MED27: variants seen among roughly 807,000 people sequenced by gnomAD.
MED27 encodes mediator complex subunit 27, also known as mediator of RNA polymerase II transcription subunit 27.
In MED27, 30 loss-of-function variants were observed where a neutral mutation model predicts 38.2. That is an observed-to-expected ratio of 0.79 (90% CI 0.59 to 1.07). The LOEUF is 1.07. Ranked by LOEUF, MED27 falls within the 50% of genes least tolerant of loss-of-function variation. MED27 has a pLI of 0.00. For missense variants in MED27, 289 were observed against 397.5 expected, an observed-to-expected ratio of 0.73 and a Z score of 2.32; for synonymous variants, 122 against 153.5, an observed-to-expected ratio of 0.79 and a Z score of 1.52.
At chr9:131,972,824 G>T (rs1444853440) in intron 3 of MED27, among the ~76,000 whole-genome samples, 1 of 152,140 alleles carries the variant, frequency 6.6e-6, no homozygotes, top group Non-Finnish European at 1.5e-5. Flanking sequence ...GACACGGGTG[G>T]GTCATCTGAG....
chr9:131,979,620 T>A (rs1831688297), intron 3 of MED27, among the ~76,000 whole-genome samples: 1 of 152,096 alleles, frequency 6.6e-6, no homozygotes, highest in African/African-American at 2.4e-5. Context: ...AGGTGCTCAA[T>A]GAAATATGGC....
At chr9:131,959,812 A>G (rs1182156164) in intron 3 of MED27, among the ~76,000 whole-genome samples, 3 of 152,236 alleles carry the variant, frequency 2.0e-5, no homozygotes, top group Non-Finnish European at 2.9e-5. Flanking sequence ...CTATCAGTAT[A>G]TAACAGCAGA....
intron 3 of MED27, among the ~76,000 whole-genome samples, chr9:131,994,887 C>T (rs1482543419): frequency 6.6e-6 from 1 of 152,070 alleles, no homozygotes; most frequent in Non-Finnish European, 1.5e-5. Context: ...GGGGAAGTGT[C>T]CAAGCTTGGT....
intron 3 of MED27, among the ~76,000 whole-genome samples, chr9:131,974,168 G>C (rs1831553240): frequency 6.6e-6 from 1 of 152,240 alleles, no homozygotes. Flanking sequence ...TGACATCTCA[G>C]AGTTGACTGC....
rs1021674034 is a variant in MED27, at chr9:131,929,655, G to A, written c.573+9726C>T. Among the ~76,000 whole-genome samples the A allele has an allele frequency of 2.6e-5, 4 of 152,166 alleles. No homozygotes were observed. The East Asian group carries it at 7.7e-4, about 29-fold the overall frequency. ...CTCCCCACGGACCAGTGGTGGTGGC[G>A]GTCACTGGGAGAGGCTCTTCTGCCT... On this transcript the variant is annotated intron_variant, in intron 4 of 7. Transcript: ENST00000292035.
chr9:132,047,304 C>A (rs1225677301), intron 2 of MED27, among the ~76,000 whole-genome samples: 2 of 152,008 alleles, frequency 1.3e-5, no homozygotes, highest in African/African-American at 4.8e-5. Context: ...AGATCGATAA[C>A]CACGAGGAAG....
intron 3 of MED27, among the ~76,000 whole-genome samples, chr9:131,962,897 T>C (rs1299060587): frequency 6.6e-6 from 1 of 152,224 alleles, no homozygotes; most frequent in Non-Finnish European, 1.5e-5. Context: ...CATAGTAAGA[T>C]GGTTTCATTT....
intron 2 of MED27, among the ~76,000 whole-genome samples, chr9:132,016,487 G>GT (rs1174600530): frequency 6.6e-6 from 1 of 152,140 alleles, no homozygotes; most frequent in African/African-American, 2.4e-5. Context: ...CCTCAAATTT[G>GT]TTTTTTTCCT....
chr9:132,059,644 C>T (rs1833657372), intron 2 of MED27, among the ~76,000 whole-genome samples: 1 of 152,210 alleles, frequency 6.6e-6, no homozygotes, highest in South Asian at 2.1e-4. Flanking sequence ...TCCATTACAG[C>T]CTCAACACCC....
At chr9:132,059,132 T>G (rs1833645589) in intron 2 of MED27, among the ~76,000 whole-genome samples, 1 of 152,120 alleles carries the variant, frequency 6.6e-6, no homozygotes, top group Non-Finnish European at 1.5e-5. Flanking sequence ...AAATGAAATT[T>G]AACTCACATG....
At chr9:131,926,338 A>G (rs1028487065) in intron 4 of MED27, among the ~76,000 whole-genome samples, 8 of 152,242 alleles carry the variant, frequency 5.3e-5, no homozygotes, top group African/African-American at 1.9e-4. Context: ...GGGACTTACC[A>G]AAAAGGCCAG....
chr9:131,928,482 T>C lies in MED27; in HGVS notation c.573+10899A>G, dbSNP rs1448080847. On this transcript the variant is annotated intron_variant, in intron 4 of 7. Transcript: ENST00000292035. ...GCATTGAAAAGAGGAGGAAAGACAG[T>C]CTTGAGTGACACCACTCCTCCTCCT... 9.9e-5 allele frequency among the ~76,000 whole-genome samples: 15 copies of C among 152,168 alleles called. 1 individual carries two copies. Among genetic ancestry groups the C allele is most frequent in the Admixed American group, 9.8e-4 (15 of 15,276 alleles).
intron 6 of MED27, chr9:131,869,217 A>G (rs1838786492): frequency 1.0e-6 from 1 of 985,322 alleles, no homozygotes; most frequent in Non-Finnish European, 1.2e-6. Context: ...CAAGTCCTCC[A>G]CTGCTGGTTT....
chr9:131,872,661 C>G lies in MED27; in HGVS notation c.724-9521G>C, dbSNP rs991169205. On this transcript the variant is annotated intron_variant, in intron 6 of 7. Coordinates refer to ENST00000292035, the MANE Select transcript of MED27 (RefSeq NM_004269.4). This position sits in a 1 kb window ranked among gnomAD's most constrained non-coding sequence, Gnocchi z 5.6. ...CCCTCGGTAGAAGAGCGTGGGGAGGCTGGGGTGGGGCTGGGTGATTCTGCA... is the reference window on the plus strand; with the variant it reads ...CCCTCGGTAGAAGAGCGTGGGGAGGGTGGGGTGGGGCTGGGTGATTCTGCA... Among the ~76,000 whole-genome samples, 1 of 151,176 alleles carries G rather than the reference C, an allele frequency of 6.6e-6. No homozygotes were observed. Among genetic ancestry groups the G allele is most frequent in the Non-Finnish European group, 1.5e-5 (1 of 68,004 alleles).
At chr9:132,022,916 T>C (rs903694661) in intron 2 of MED27, among the ~76,000 whole-genome samples, 2 of 152,108 alleles carry the variant, frequency 1.3e-5, no homozygotes, top group Non-Finnish European at 1.5e-5. Flanking sequence ...CATGATCCAA[T>C]TGCCTCCCAT....
At chr9:131,887,736 T>C (rs953044578) in intron 5 of MED27, among the ~76,000 whole-genome samples, 1 of 152,214 alleles carries the variant, frequency 6.6e-6, no homozygotes, top group African/African-American at 2.4e-5. Context: ...CAAGAAATTA[T>C]TCTGAACTAT....
chr9:131,892,906 C>T (rs779750323), intron 5 of MED27, among the ~76,000 whole-genome samples: 1 of 152,226 alleles, frequency 6.6e-6, no homozygotes, highest in Non-Finnish European at 1.5e-5. Context: ...GAACTGGGCA[C>T]AGTCCTTGGA....
chr9:132,006,424 C>A (rs931954079), intron 3 of MED27, among the ~76,000 whole-genome samples: 4 of 152,162 alleles, frequency 2.6e-5, no homozygotes, highest in Non-Finnish European at 4.4e-5. Flanking sequence ...AGGTTCCTGT[C>A]CCTTCAAAGT....
At chr9:131,900,426 C>G (rs146520316) in intron 4 of MED27, among the ~76,000 whole-genome samples, 30 of 152,348 alleles carry the variant, frequency 2.0e-4, no homozygotes, top group African/African-American at 7.2e-4. Context: ...GCTCTGCCAA[C>G]TGACGTCTAA....
Sources: gnomAD v4.1 joint callset for allele counts (sites outside exome capture counted in the v4.1 genomes callset) on GRCh38, gnomAD v4.1.1 for gene constraint, Gnocchi (gnomAD v3.1) non-coding constraint, MANE v1.5 for transcripts, NCBI Gene and HGNC (gene_info 2026-07-23, HGNC 2026-07-21) for gene names.